Variants in CDKL5 observed in about 807,000 individuals in gnomAD.
CDKL5 encodes cyclin-dependent kinase-like 5.
CDKL5 carries 8 observed loss-of-function variants against 61.7 expected under a neutral mutation model. The observed-to-expected ratio is 0.13, with a 90% CI of 0.08 to 0.23. CDKL5 has a LOEUF of 0.23. Among genes scored for constraint, CDKL5 ranks in the 10% least tolerant of loss-of-function variants. The probability of loss-of-function intolerance (pLI) is 1.00; values close to 1 mark genes in which losing one functional copy is unlikely to be tolerated. For synonymous variants in CDKL5, 275 were observed against 272.3 expected (o/e 1.01, Z -0.10); for missense variants, 440 against 734.5 (o/e 0.60, Z 4.63).
At chrX:18,480,817 CTTTCTTCTTTCTTCTTCT>C (rs1428545661) in intron 1 of CDKL5, among the ~76,000 whole-genome samples, 10 of 105,573 alleles carry the variant, frequency 9.5e-5, no homozygotes, top group Non-Finnish European at 1.9e-4. Context: ...TTCCTTCTTC[CTTTCTTCTTTCTTCTTCT>C]TCCTCTTCCT....
intron 4 of CDKL5, among the ~76,000 whole-genome samples, chrX:18,574,861 G>GT (rs1040753278): frequency 8.9e-6 from 1 of 112,089 alleles, no homozygotes; most frequent in African/African-American, 3.2e-5. Flanking sequence ...GGAATAAAAT[G>GT]TTTTTTTAGG....
intron 20 of CDKL5, among the ~76,000 whole-genome samples, chrX:18,649,217 GA>G (rs1309763141): frequency 9.1e-6 from 1 of 110,381 alleles, no homozygotes; most frequent in African/African-American, 3.3e-5. Context: ...AATTTCTACA[GA>G]AAACAAATGG....
chrX:18,435,762 T>G (rs1569182246), intron 1 of CDKL5, among the ~76,000 whole-genome samples: 1 of 111,126 alleles, frequency 9.0e-6, no homozygotes, highest in Admixed American at 9.7e-5. Flanking sequence ...AGACGGGGTT[T>G]CACTATGTTG....
intron 1 of CDKL5, among the ~76,000 whole-genome samples, chrX:18,469,127 T>C (rs1920994849): frequency 9.4e-6 from 1 of 106,384 alleles, no homozygotes; most frequent in Admixed American, 1.0e-4. Flanking sequence ...TCATTGGAGG[T>C]CAGGAGTTAC....
At chrX:18,427,167 G>C (rs1931383907) in intron 1 of CDKL5, among the ~76,000 whole-genome samples, 1 of 111,182 alleles carries the variant, frequency 9.0e-6, no homozygotes, top group African/African-American at 3.3e-5. Context: ...TTTATTAAAA[G>C]TACTATTTTA....
chrX:18,470,053 T>C (rs1192617385), intron 1 of CDKL5, among the ~76,000 whole-genome samples: 2 of 111,534 alleles, frequency 1.8e-5, no homozygotes, highest in Non-Finnish European at 3.8e-5. Context: ...TAGAAGTAAA[T>C]GGGCTGGGTG....
chrX:18,615,180 T>C (rs984318680), intron 15 of CDKL5, among the ~76,000 whole-genome samples: 1 of 112,025 alleles, frequency 8.9e-6, no homozygotes, highest in African/African-American at 3.2e-5. Flanking sequence ...AGTGATGAAC[T>C]GGCTCTATTC....
At chrX:18,549,144 C>T (rs1383557883) in intron 3 of CDKL5, among the ~76,000 whole-genome samples, 1 of 112,028 alleles carries the variant, frequency 8.9e-6, no homozygotes. Context: ...TGAGTATATA[C>T]GCATGGGTCT....
Position 18,575,618 on chromosome X carries a change from A to G in CDKL5, c.282+128A>G, listed in dbSNP as rs1925275520. ...TGTACTCATAATCTGAGGACTTTAA[A>G]AATGAAAGTGTTGTTAATAATCATT... On this transcript the variant is annotated intron_variant, in intron 5 of 17. Coordinates refer to ENST00000623535, the MANE Select transcript of CDKL5 (RefSeq NM_001323289.2). The G allele has an allele frequency of 6.5e-6, 4 of 610,778 alleles. No homozygotes were observed. In the East Asian group the frequency reaches 1.0e-4, roughly 15 times the overall value. The allele number at this position is 610,778 out of a possible 1,213,427, so 50.3% of individuals were successfully genotyped here.
At chrX:18,647,459 G>T in intron 20 of CDKL5, 1 of 690,776 alleles carries the variant, frequency 1.4e-6, no homozygotes, top group Non-Finnish European at 2.3e-6. Context: ...ACCTGTCTCT[G>T]TGGTTCACAA....
At chrX:18,618,523 C>T (rs1026159546) in intron 15 of CDKL5, among the ~76,000 whole-genome samples, 3 of 111,926 alleles carry the variant, frequency 2.7e-5, no homozygotes, top group African/African-American at 3.2e-5. Flanking sequence ...GTTTAGCTTA[C>T]GACAGTCTGT....
In CDKL5 at chrX:18,652,539, G is replaced by T. The variant is rs752921170; in HGVS notation, c.2981-893G>T. Reference sequence around the variant, plus strand: ...CAAAAATTAGCCGAGCGCAGTGGTTGGCACCTGTAATCCCAGCTACTTGGG... The same window carrying T: ...CAAAAATTAGCCGAGCGCAGTGGTTTGCACCTGTAATCCCAGCTACTTGGG... On this transcript the variant is annotated intron_variant, in intron 21 of 21. Transcript: ENST00000379989. Among the ~76,000 whole-genome samples, 7 of 111,415 alleles carry T rather than the reference G, an allele frequency of 6.3e-5. No individual in the cohort carries two copies. The South Asian group carries it at 1.5e-3, about 24-fold the overall frequency.
intron 7 of CDKL5, among the ~76,000 whole-genome samples, chrX:18,583,120 A>G (rs1414613325): frequency 8.9e-6 from 1 of 112,055 alleles, no homozygotes; most frequent in Non-Finnish European, 1.9e-5. Context: ...GATTGTGATT[A>G]CTACCCAAAA....
chrX:18,650,504 T>C, exon 21 of CDKL5: 1 of 1,211,472 alleles, frequency 8.3e-7, no homozygotes, highest in East Asian at 3.0e-5. Flanking sequence ...CTGCTCCCTA[T>C]CCAGTACTCC....
At chrX:18,487,832 CTT>C (rs1001565851) in intron 1 of CDKL5, among the ~76,000 whole-genome samples, 5 of 111,413 alleles carry the variant, frequency 4.5e-5, no homozygotes, top group African/African-American at 1.6e-4. Context: ...AGGAGAATCT[CTT>C]GAACCCGGGA....
rs1032910981 is a variant in CDKL5 at position 18,484,214 on chromosome X, C to T, written c.-162-22721C>T. 2.1e-4 allele frequency among the ~76,000 whole-genome samples: 24 copies of T among 112,241 alleles called. No individual in the cohort carries two copies. The South Asian group carries it at 4.4e-3, about 21-fold the overall frequency. Reference sequence around the variant, plus strand: ...CATGTCATTTGCATGAAATGAGAAGCGCAAGTAACTAACTAGTTGGTATTG... The same window carrying T: ...CATGTCATTTGCATGAAATGAGAAGTGCAAGTAACTAACTAGTTGGTATTG... On this transcript the variant is annotated intron_variant, in intron 1 of 17. Coordinates refer to ENST00000623535, the MANE Select transcript of CDKL5 (RefSeq NM_001323289.2).
At chrX:18,506,329 CTA>C (rs1316862449) in intron 1 of CDKL5, among the ~76,000 whole-genome samples, 1 of 112,106 alleles carries the variant, frequency 8.9e-6, no homozygotes, top group East Asian at 2.8e-4. Flanking sequence ...ATCATTGCTT[CTA>C]GGCCTTCTCA....
Position 18,442,913 on chromosome X carries a change from G to A in CDKL5, c.-163+17218G>A, listed in dbSNP as rs1014676751. 8.9e-5 allele frequency among the ~76,000 whole-genome samples: 10 copies of A among 111,911 alleles called. No individual in the cohort carries two copies. In the South Asian group the frequency reaches 2.2e-3, roughly 24 times the overall value. On this transcript the variant is annotated intron_variant, in intron 1 of 17. Coordinates refer to ENST00000623535, the MANE Select transcript of CDKL5 (RefSeq NM_001323289.2). ...TTACTCTTAAAATTTTAACATGAGC[G>A]TTTCCTTAAGTCTAAGCTTAATTAT...
intron 3 of CDKL5, among the ~76,000 whole-genome samples, chrX:18,518,344 G>A (rs1442883653): frequency 1.1e-5 from 1 of 95,021 alleles, no homozygotes; most frequent in Non-Finnish European, 2.1e-5. Context: ...AATTTAACAT[G>A]GATAAATTAA....
Sources: gnomAD v4.1 joint callset for allele counts (sites outside exome capture counted in the v4.1 genomes callset) on GRCh38, gnomAD v4.1.1 for gene constraint, MANE v1.5 for transcripts, NCBI Gene and HGNC (gene_info 2026-07-23, HGNC 2026-07-21) for gene names.